The following P3H4 variants were observed in gnomAD, a reference collection of about 807,000 sequenced individuals.
The protein encoded by P3H4 is endoplasmic reticulum protein SC65.
P3H4 carries 47 observed loss-of-function variants against 52.9 expected under a neutral mutation model. That is an observed-to-expected ratio of 0.89 (90% CI 0.70 to 1.13). The LOEUF (loss-of-function observed/expected upper bound fraction) is 1.13. P3H4 is among the 50% of genes most tolerant of loss of function. The probability of loss-of-function intolerance (pLI) is 0.00; values close to 1 mark genes in which losing one functional copy is unlikely to be tolerated. For missense variants in P3H4, 585 were observed against 611.0 expected (o/e 0.96, Z 0.45); for synonymous variants, 256 against 267.9 (o/e 0.96, Z 0.44).
chr17:41,804,126 C>T (rs1035999888), intron 6 of P3H4, among the ~76,000 whole-genome samples: 10 of 151,922 alleles, frequency 6.6e-5, no homozygotes, highest in East Asian at 5.8e-4. Flanking sequence ...TAATTTTTTG[C>T]ATTTTTAGTA....
chr17:41,811,728 A>T lies in P3H4; in HGVS notation c.188T>A (p.Leu63Gln). 6.6e-7 allele frequency: 1 copy of T among 1,509,458 alleles called. No homozygotes were observed. The highest frequency in any genetic ancestry group is 8.8e-7 in the Non-Finnish European group (1 of 1,140,854). 93.5% of individuals were successfully genotyped at this position (1,509,458 alleles called of 1,614,324 possible). ...RESARYLEAA[L>Q]RLHRLLRDSE... The stretch of plus-strand genomic sequence containing the variant: ...GTCGCGCAGGAGCCGGTGCAGCCGC[A>T]GCGCCGCCTCCAGGTAGCGCGCGCT... The change falls in exon 1 of 8, where the codon CTG becomes CAG. Residue 63 changes from leucine to glutamine, a missense_variant. Transcript: ENST00000393928. This position sits in a 1 kb window ranked among gnomAD's most constrained non-coding sequence, Gnocchi z 4.8.
Position 41,811,158 on chromosome 17 carries a change from T to G in P3H4, c.589A>C (p.Thr197Pro). ...TCGTAGGGCTGGGCCTCTAGGTCCG[T>G]GAGGGACTCGTCGGCGACGTCCAGC... ...GMLDVADESL[T>P]DLEAQPYEAV... The change falls in exon 2 of 8, where the codon ACG becomes CCG. Residue 197 changes from threonine to proline, a missense_variant. Coordinates refer to ENST00000393928, the MANE Select transcript of P3H4 (RefSeq NM_006455.3). The surrounding 1 kb of genome is among the most constrained non-coding windows in gnomAD (Gnocchi z 4.8). 1 of 1,614,190 alleles carries G rather than the reference T, an allele frequency of 6.2e-7. No homozygotes were observed. Among genetic ancestry groups the G allele is most frequent in the South Asian group, 1.1e-5 (1 of 91,090 alleles).
intron 6 of P3H4, among the ~76,000 whole-genome samples, chr17:41,806,003 G>A (rs1234014584): frequency 6.6e-6 from 1 of 152,104 alleles, no homozygotes; most frequent in African/African-American, 2.4e-5. Flanking sequence ...GATAGATCAT[G>A]AGGTCACGAG....
At position 41,802,277 on chromosome 17, in the gene P3H4, G is replaced by C. The variant is rs1555613612; in HGVS notation, c.*680C>G. The C allele has an allele frequency of 7.4e-6, 1 of 134,834 alleles. No homozygotes were observed. 8.4% of individuals were successfully genotyped at this position (134,834 alleles called of 1,614,324 possible). On this transcript the variant is annotated 3_prime_UTR_variant, in exon 8 of 8. Transcript: ENST00000393928. ...GTCCAGTCAGCTGTGTCCATCTTAA[G>C]TTTTTTTTTTTTTTTTTGAGATGGA...
Position 41,807,857 on chromosome 17 carries a change from A to C in P3H4, c.1062+2T>G, listed in dbSNP as rs782473487. The C allele has an allele frequency of 6.2e-7, 1 of 1,610,050 alleles. No homozygotes were observed. The highest frequency in any genetic ancestry group is 1.1e-5 in the South Asian group (1 of 90,732). On this transcript the variant is annotated splice_donor_variant, in intron 5 of 7. Coordinates refer to ENST00000393928, the MANE Select transcript of P3H4 (RefSeq NM_006455.3). LOFTEE classifies it high-confidence loss of function. ...GCAAGTGCCCCAGAAAGCAGTGCCC[A>C]CCTCCCGGGGCTGGAAGTCCTCCTC...
Position 41,803,406 on chromosome 17 carries a change from G to A in P3H4, c.1172C>T (p.Pro391Leu), listed in dbSNP as rs1325757385. ...AGATAGGGCATCCTCAGGCTCCAGG[G>A]GCGGTTCTGTCTCCTCCAGCTCCAT... ...DEMELEETEP[P>L]LEPEDALSDA... Residue 391 changes from proline (P) to leucine (L), a missense_variant, in exon 7 of 8, where the codon CCC becomes CTC. By Grantham distance (98) the Pro-to-Leu change is moderately conservative. Transcript: ENST00000393928. 5 of 1,613,838 alleles carry A rather than the reference G, an allele frequency of 3.1e-6. 1 individual carries two copies. The highest frequency in any genetic ancestry group is 4.5e-5 in the East Asian group (2 of 44,844).
chr17:41,806,609 A>G (rs1555614193), intron 6 of P3H4, among the ~76,000 whole-genome samples, 187 bp downstream of exon 6: 2 of 152,346 alleles, frequency 1.3e-5, no homozygotes, highest in East Asian at 3.9e-4. Flanking sequence ...CATGTACAAA[A>G]GGAGGACATG....
intron 6 of P3H4, among the ~76,000 whole-genome samples, chr17:41,805,610 C>G (rs1555614083): frequency 1.3e-5 from 2 of 152,112 alleles, no homozygotes; most frequent in African/African-American, 4.8e-5. Context: ...CAGGCATGAG[C>G]TACCATACCC....
chr17:41,804,597 C>G (rs535703163), intron 6 of P3H4, among the ~76,000 whole-genome samples: 1 of 152,136 alleles, frequency 6.6e-6, no homozygotes, highest in Non-Finnish European at 1.5e-5. Context: ...CACTGCACTC[C>G]AGCCTGGATG....
Position 41,811,775 on chromosome 17 carries a change from G to T in P3H4, c.141C>A (p.Tyr47Ter). ...AAAYGHALEQYEGESWRESAR... is the reference protein window; with the variant it reads ...AAAYGHALEQ ...CGCTCTCGCGCCAGCTCTCTCCCTC[G>T]TACTGCTCCAGAGCGTGCCCGTACG... Residue 47 changes from tyrosine (Y) to a stop codon, truncating the protein, a stop_gained, in exon 1 of 8, where the codon TAC becomes TAA. Transcript: ENST00000393928. LOFTEE classifies it high-confidence loss of function. The surrounding 1 kb of genome is among the most constrained non-coding windows in gnomAD (Gnocchi z 4.8). 6.5e-7 allele frequency: 1 copy of T among 1,532,964 alleles called. No individual in the cohort carries two copies. Among genetic ancestry groups the T allele is most frequent in the Non-Finnish European group, 8.7e-7 (1 of 1,151,820 alleles). 95.0% of individuals were successfully genotyped at this position (1,532,964 alleles called of 1,614,324 possible). A position where few individuals can be genotyped will look rare whatever the true frequency, so the allele number is the denominator to read the frequency against.
chr17:41,811,782 T>C lies in P3H4; in HGVS notation c.134A>G (p.Glu45Gly). 6.5e-7 allele frequency: 1 copy of C among 1,536,948 alleles called. No homozygotes were observed. Among genetic ancestry groups the C allele is most frequent in the Non-Finnish European group, 8.7e-7 (1 of 1,153,428 alleles). ...GCGCCAGCTCTCTCCCTCGTACTGC[T>C]CCAGAGCGTGCCCGTACGCCGCGGC... ...PLAAAYGHALEQYEGESWRES... is the reference protein window; with the variant it reads ...PLAAAYGHALGQYEGESWRES... Residue 45 changes from glutamate to glycine, a missense_variant, in exon 1 of 8, where the codon GAG becomes GGG. Glu to Gly is a moderately conservative substitution (Grantham distance 98). Transcript: ENST00000393928. This position sits in a 1 kb window ranked among gnomAD's most constrained non-coding sequence, Gnocchi z 4.8.
Position 41,811,840 on chromosome 17 carries a change from G to C in P3H4, c.76C>G (p.Arg26Gly). ...AGAQYEKYSFRGFPPEDLMPL... is the reference protein window; with the variant it reads ...AGAQYEKYSFGGFPPEDLMPL... The stretch of plus-strand genomic sequence containing the variant: ...ATCAGGTCCTCGGGCGGGAAGCCCC[G>C]GAAGCTGTACTTCTCGTACTGCGCC... Residue 26 changes from arginine (R) to glycine (G), a missense_variant, in exon 1 of 8, where the codon CGG (arginine) becomes GGG (glycine). Physicochemically the swap from Arg to Gly is moderately radical, Grantham distance 125 (BLOSUM62 -2). Coordinates refer to ENST00000393928, the MANE Select transcript of P3H4 (RefSeq NM_006455.3). The surrounding 1 kb of genome is among the most constrained non-coding windows in gnomAD (Gnocchi z 4.8). 6.5e-7 allele frequency: 1 copy of C among 1,549,494 alleles called. No homozygotes were observed. The highest frequency in any genetic ancestry group is 2.5e-5 in the East Asian group (1 of 39,570).
At chr17:41,804,166 T>C (rs1470873250) in intron 6 of P3H4, among the ~76,000 whole-genome samples, 1 of 151,856 alleles carries the variant, frequency 6.6e-6, no homozygotes, top group Non-Finnish European at 1.5e-5. Context: ...TTAGCCAGGA[T>C]GGTCTCAATC....
Position 41,811,863 on chromosome 17 carries a change from GC to G in P3H4, c.52del (p.Ala18ArgfsTer16). ...CCGGAAGCTGTACTTCTCGTACTGC[GC>G]CCCGGCGCTGCCCAGCAGCAACCAC... ...LLWLLLGSAG[A>X]QYEKYSFRGF... On this transcript the variant is annotated frameshift_variant, in exon 1 of 8. Coordinates refer to ENST00000393928, the MANE Select transcript of P3H4 (RefSeq NM_006455.3). LOFTEE classifies it high-confidence loss of function. This position sits in a 1 kb window ranked among gnomAD's most constrained non-coding sequence, Gnocchi z 4.8. 3 of 1,541,204 alleles carry G rather than the reference GC, an allele frequency of 1.9e-6. No homozygotes were observed. The highest frequency in any genetic ancestry group is 1.9e-5 in the Admixed American group (1 of 52,624).
At chr17:41,805,827 G>GGTGGGGGC (rs1298438346) in intron 6 of P3H4, among the ~76,000 whole-genome samples, 2 of 152,220 alleles carry the variant, frequency 1.3e-5, no homozygotes, top group East Asian at 3.9e-4. Context: ...GGGTTGGATG[G>GGTGGGGGC]GTGGGGGCGT....
Position 41,807,941 on chromosome 17 carries a change from C to T in P3H4, c.980G>A (p.Ser327Asn). 1 of 1,614,228 alleles carries T rather than the reference C, an allele frequency of 6.2e-7. No homozygotes were observed. Among genetic ancestry groups the T allele is most frequent in the South Asian group, 1.1e-5 (1 of 91,084 alleles). Residue 327 changes from serine to asparagine, a missense_variant, in exon 5 of 8, where the codon AGC becomes AAC. Transcript: ENST00000393928. ...ATACACCAGGTTCTGCTGCATGACG[C>T]TGTCCTTGGGGTCGAAGAGCATGTA... ...ASYMLFDPKD[S>N]VMQQNLVYYR...
At chr17:41,810,825 G>T (rs934609217) in intron 3 of P3H4, 38 bp downstream of exon 3, 21 of 1,587,432 alleles carry the variant, frequency 1.3e-5, no homozygotes, top group Non-Finnish European at 1.8e-5. Flanking sequence ...GGCCCTGTGG[G>T]TGAGAGGACC....
chr17:41,804,980 A>C (rs11079014), intron 6 of P3H4, among the ~76,000 whole-genome samples: 1 of 150,844 alleles, frequency 6.6e-6, no homozygotes, highest in Non-Finnish European at 1.5e-5. Context: ...CTCCAAGAAA[A>C]AAAAAAGAAA....
In P3H4 at chr17:41,811,698, T is replaced by C; in HGVS notation, c.218A>G (p.Glu73Gly). ...LRLHRLLRDSEAFCHANCSGP... is the reference protein window; with the variant it reads ...LRLHRLLRDSGAFCHANCSGP... ...GCTGCAGTTGGCGTGGCAGAAGGCC[T>C]CGCTGTCGCGCAGGAGCCGGTGCAG... The change falls in exon 1 of 8, where the codon GAG becomes GGG. Residue 73 changes from glutamate (E) to glycine (G), a missense_variant. Glu to Gly is a moderately conservative substitution (Grantham distance 98). Transcript: ENST00000393928. The surrounding 1 kb of genome is among the most constrained non-coding windows in gnomAD (Gnocchi z 4.8). 1 of 1,465,316 alleles carries C rather than the reference T, an allele frequency of 6.8e-7. No homozygotes were observed. The highest frequency in any genetic ancestry group is 1.4e-5 in the South Asian group (1 of 73,952). 90.8% of individuals were successfully genotyped at this position (1,465,316 alleles called of 1,614,324 possible).
Sources: allele counts gnomAD v4.1 joint callset (sites outside exome capture counted in the v4.1 genomes callset), GRCh38; gene constraint gnomAD v4.1.1; non-coding constraint Gnocchi (gnomAD v3.1); transcripts MANE v1.5; gene names NCBI Gene and HGNC (gene_info 2026-07-23, HGNC 2026-07-21).